Variants in SLC25A30 observed in about 807,000 individuals in gnomAD.
The protein encoded by SLC25A30 is kidney mitochondrial carrier protein 1.
A neutral mutation model predicts 42.7 loss-of-function variants in SLC25A30; 29 were observed. The ratio of observed to expected loss-of-function variants is 0.68; its 90% CI spans 0.51 to 0.93. The LOEUF is 0.93. Ranked by LOEUF, SLC25A30 falls within the 40% of genes least tolerant of loss-of-function variation. SLC25A30 has a pLI of 0.00. For missense variants in SLC25A30, 300 were observed against 359.7 expected (o/e 0.83, Z 1.34); for synonymous variants, 124 against 131.0 (o/e 0.95, Z 0.37).
At position 45,404,773 on chromosome 13, in the gene SLC25A30, A is replaced by C. The variant is rs117521214; in HGVS notation, c.308-361T>G. Reference sequence around the variant, plus strand: ...GTGCAGGTTGCAGTGAACCAAGACCACGCCACTGTACTCCAGCCTGGGCAA... The same window carrying C: ...GTGCAGGTTGCAGTGAACCAAGACCCCGCCACTGTACTCCAGCCTGGGCAA... On this transcript the variant is annotated intron_variant, in intron 4 of 9. Transcript: ENST00000519676. 3.2e-3 allele frequency among the ~76,000 whole-genome samples: 482 copies of C among 152,272 alleles called. 14 individuals carry two copies. The East Asian group carries it at 0.069, about 22-fold the overall frequency.
chr13:45,422,539 C>T (rs1883913303), upstream of SLC25A30, among the ~76,000 whole-genome samples: 1 of 152,016 alleles, frequency 6.6e-6, no homozygotes, highest in African/African-American at 2.4e-5. Context: ...ATTTTGCCCT[C>T]CAGGAGAAAT....
intron 1 of SLC25A30, among the ~76,000 whole-genome samples, chr13:45,414,976 G>A (rs1256265079): frequency 6.6e-6 from 1 of 152,226 alleles, no homozygotes; most frequent in Non-Finnish European, 1.5e-5. Context: ...GCATCTCGGG[G>A]AAGGAATTAC....
chr13:45,429,847 A>T, the SLC25A30 span, among the ~76,000 whole-genome samples: 1 of 151,894 alleles, frequency 6.6e-6, no homozygotes, highest in Non-Finnish European at 1.5e-5. Flanking sequence ...AAAAAAAAAA[A>T]CAAAAACAAA....
At chr13:45,433,399 C>T in the SLC25A30 span, among the ~76,000 whole-genome samples, 1 of 152,074 alleles carries the variant, frequency 6.6e-6, no homozygotes, top group African/African-American at 2.4e-5. Context: ...GGACAGTGCC[C>T]CAGCCTGTCA....
the SLC25A30 span, among the ~76,000 whole-genome samples, chr13:45,429,270 T>C: frequency 6.6e-6 from 1 of 151,722 alleles, no homozygotes; most frequent in Non-Finnish European, 1.5e-5. Flanking sequence ...GGTTTCACCA[T>C]GTTGGCCAGG....
the SLC25A30 span, among the ~76,000 whole-genome samples, chr13:45,432,437 C>T: frequency 6.6e-6 from 1 of 151,992 alleles, no homozygotes; most frequent in Admixed American, 6.6e-5. Context: ...ATAAACATTG[C>T]TATCATTATT....
At chr13:45,410,996 GTGGTTCACACA>G (rs1247530427) in intron 2 of SLC25A30, among the ~76,000 whole-genome samples, 1 of 152,124 alleles carries the variant, frequency 6.6e-6, no homozygotes, top group Non-Finnish European at 1.5e-5. Flanking sequence ...GGAGAGTGCA[GTGGTTCACACA>G]TGGCTCACTG....
the SLC25A30 span, among the ~76,000 whole-genome samples, chr13:45,428,207 C>A: frequency 4.2e-3 from 629 of 151,532 alleles, 5 homozygotes; most frequent in African/African-American, 0.015. Context: ...TTCTTTCTTT[C>A]TTTTTTTATT....
upstream of SLC25A30, among the ~76,000 whole-genome samples, chr13:45,418,968 A>C (rs1433523497): frequency 2.6e-5 from 3 of 113,848 alleles, no homozygotes; most frequent in Non-Finnish European, 5.4e-5. Flanking sequence ...AAAAAAAAAA[A>C]AAAAAAAAAA....
chr13:45,399,952 C>T (rs1364826431), intron 7 of SLC25A30, among the ~76,000 whole-genome samples: 8 of 149,412 alleles, frequency 5.4e-5, no homozygotes, highest in African/African-American at 2.0e-4. Flanking sequence ...CAGTAGTATT[C>T]CCCCCTGGTT....
At position 45,393,381 on chromosome 13, in the gene SLC25A30, A is replaced by G; in HGVS notation, c.*2593T>C. On this transcript the variant is annotated 3_prime_UTR_variant, in exon 10 of 10. Transcript: ENST00000519676. ...AAACAAGGCTTATGCCACATATTCC[A>G]ACAATGTTTAAATAAAGAGCTTGAA... The G allele has an allele frequency of 1.0e-6, 1 of 980,802 alleles. No homozygotes were observed. The highest frequency in any genetic ancestry group is 1.2e-6 in the Non-Finnish European group (1 of 825,730). The allele number at this position is 980,802 out of a possible 1,614,324, so 60.8% of individuals were successfully genotyped here.
chr13:45,397,850 G>T (rs1334521824), intron 8 of SLC25A30: 3 of 979,082 alleles, frequency 3.1e-6, no homozygotes, highest in Non-Finnish European at 3.6e-6. Context: ...ACGAAGGATT[G>T]AATGAACTCC....
chr13:45,424,626 TAAATATGTATATAAAC>T, the SLC25A30 span, among the ~76,000 whole-genome samples: 1 of 58,454 alleles, frequency 1.7e-5, no homozygotes, highest in African/African-American at 6.4e-5. Context: ...TAAATATATA[TAAATATGTATATAAAC>T]ATAAATATAT....
At chr13:45,396,853 A>G (rs987352582) in intron 9 of SLC25A30, 3 of 175,390 alleles carry the variant, frequency 1.7e-5, no homozygotes, top group Non-Finnish European at 3.6e-5. Flanking sequence ...CTGCCAAACA[A>G]TTCCGGAGCT....
chr13:45,418,098 AG>A (rs1246247880), intron 1 of SLC25A30: 1 of 153,716 alleles, frequency 6.5e-6, no homozygotes, highest in Non-Finnish European at 1.4e-5. Flanking sequence ...CCCGAGAAGC[AG>A]AGCCCTGTCC....
chr13:45,402,859 C>T, intron 5 of SLC25A30: 1 of 977,488 alleles, frequency 1.0e-6, no homozygotes, highest in Non-Finnish European at 1.2e-6. Flanking sequence ...GCGAGCTAGC[C>T]AAGTGACAGC....
chr13:45,408,841 C>T (rs1265391451), intron 3 of SLC25A30, 86 bp downstream of exon 3: 4 of 1,241,312 alleles, frequency 3.2e-6, no homozygotes, highest in Middle Eastern at 2.1e-4. Flanking sequence ...AAACTTTTTA[C>T]TTGTGATCTG....
chr13:45,410,675 G>A (rs915909070), intron 2 of SLC25A30, among the ~76,000 whole-genome samples: 1 of 152,158 alleles, frequency 6.6e-6, no homozygotes, highest in Non-Finnish European at 1.5e-5. Flanking sequence ...AGCCGGGCAT[G>A]GTGGTGCACA....
At chr13:45,425,053 A>T in the SLC25A30 span, among the ~76,000 whole-genome samples, 1 of 80,396 alleles carries the variant, frequency 1.2e-5, no homozygotes, top group Non-Finnish European at 2.2e-5. Context: ...TAAATATATA[A>T]ATATATAAGT....
Sources: gnomAD v4.1 joint callset for allele counts (sites outside exome capture counted in the v4.1 genomes callset) on GRCh38, gnomAD v4.1.1 for gene constraint, MANE v1.5 for transcripts, NCBI Gene and HGNC (gene_info 2026-07-23, HGNC 2026-07-21) for gene names.